The following CWH43 variants were observed in gnomAD, a reference collection of about 807,000 sequenced individuals.
The protein encoded by CWH43 is cell wall biogenesis 43 C-terminal homolog, also known as PGAP2-interacting protein.
In CWH43, 91 loss-of-function variants were observed where a neutral mutation model predicts 85.7. That is an observed-to-expected ratio of 1.06 (90% CI 0.90 to 1.26). CWH43 has a LOEUF of 1.26. Among genes scored for constraint, CWH43 ranks in the 50% most tolerant of loss-of-function variants. CWH43 has a pLI of 0.00. For synonymous variants in CWH43, 323 were observed against 293.6 expected (o/e 1.10, Z -1.02); for missense variants, 869 against 839.2 (o/e 1.04, Z -0.44).
intron 4 of CWH43, among the ~76,000 whole-genome samples, chr4:48,993,470 T>C (rs1782718246): frequency 2.0e-5 from 3 of 152,156 alleles, no homozygotes; most frequent in Admixed American, 1.3e-4. Flanking sequence ...GAAATTAGAC[T>C]GCCAGCCATA....
intron 15 of CWH43, among the ~76,000 whole-genome samples, chr4:49,051,823 T>G (rs1784807958): frequency 6.6e-6 from 1 of 152,182 alleles, no homozygotes; most frequent in Admixed American, 6.5e-5. Context: ...GTGACCCACC[T>G]GCCTCTGCCT....
intron 9 of CWH43, among the ~76,000 whole-genome samples, chr4:49,026,574 G>A (rs1577685283): frequency 8.0e-6 from 1 of 124,940 alleles, no homozygotes; most frequent in African/African-American, 3.0e-5. Context: ...AAAGTTCATT[G>A]TATAACTCAT....
intron 15 of CWH43, among the ~76,000 whole-genome samples, chr4:49,061,040 G>A (rs1489148225): frequency 6.6e-6 from 1 of 151,978 alleles, no homozygotes; most frequent in Non-Finnish European, 1.5e-5. Flanking sequence ...TCATTGTATG[G>A]ATGCACCAAC....
intron 8 of CWH43, chr4:49,016,924 T>C (rs1366700106): frequency 1.3e-6 from 1 of 784,862 alleles, no homozygotes; most frequent in Non-Finnish European, 2.4e-6. Flanking sequence ...CCAGGGCTGA[T>C]CTCCCCAGTA....
rs566328091 is a variant in CWH43 at position 49,051,375 on chromosome 4, C to A, written c.2021+526C>A. Among the ~76,000 whole-genome samples, 13 of 152,288 alleles carry A rather than the reference C, an allele frequency of 8.5e-5. No individual in the cohort carries two copies. In the East Asian group the frequency reaches 1.9e-3, roughly 23 times the overall value. On this transcript the variant is annotated intron_variant, in intron 15 of 15. Transcript: ENST00000226432. ...GCTGGTATTCTCAGCTCTGGCTGCA[C>A]ATTAGATTCACCTGGACAGCTTTTA...
chr4:48,988,420 C>T lies in CWH43; in HGVS notation c.44-57C>T, dbSNP rs970811557. On this transcript the variant is annotated intron_variant, in intron 1 of 15. Coordinates refer to ENST00000226432, the MANE Select transcript of CWH43 (RefSeq NM_025087.3). ...GGCTGGAGTGGAGGGACAGGACTGT[C>T]GTTAGAAACAATGTTGAAGTTACAC... 1.4e-5 allele frequency: 19 copies of T among 1,374,748 alleles called. No homozygotes were observed. In the East Asian group the frequency reaches 3.7e-4, roughly 27 times the overall value. 85.2% of individuals were successfully genotyped at this position (1,374,748 alleles called of 1,614,324 possible). A position where few individuals can be genotyped will look rare whatever the true frequency, so the allele number is the denominator to read the frequency against.
intron 9 of CWH43, among the ~76,000 whole-genome samples, chr4:49,020,384 T>TACACACACACAC (rs35489918): frequency 9.2e-5 from 11 of 120,168 alleles, no homozygotes; most frequent in East Asian, 2.2e-4. Flanking sequence ...AGTATTCCAT[T>TACACACACACAC]ACACACACAC....
At chr4:49,030,238 A>G (rs1298492531) in intron 10 of CWH43, among the ~76,000 whole-genome samples, 1 of 152,218 alleles carries the variant, frequency 6.6e-6, no homozygotes, top group Non-Finnish European at 1.5e-5. Flanking sequence ...TTGTAGACCA[A>G]CTACGGGTGT....
At chr4:49,000,278 T>G (rs1187364935) in intron 6 of CWH43, among the ~76,000 whole-genome samples, 2 of 152,192 alleles carry the variant, frequency 1.3e-5, no homozygotes, top group African/African-American at 4.8e-5. Context: ...CATGGAAATG[T>G]ATGTGTAATC....
In CWH43 at chr4:49,032,583, G is replaced by A; in HGVS notation, c.1526G>A (p.Arg509Lys). The A allele has an allele frequency of 6.2e-7, 1 of 1,613,982 alleles. No homozygotes were observed. Among genetic ancestry groups the A allele is most frequent in the Non-Finnish European group, 8.5e-7 (1 of 1,179,932 alleles). ...YHTWGIMALS[R>K]YPIVKSEHHL... ...CAATACAGGATTATGGCTTTGTCAAGATACCCAATTGTGAAATCTGAGCAT... is the reference window on the plus strand; with the variant it reads ...CAATACAGGATTATGGCTTTGTCAAAATACCCAATTGTGAAATCTGAGCAT... The change falls in exon 12 of 16, where the codon AGA becomes AAA. Residue 509 changes from arginine (R) to lysine (K), a missense_variant. Physicochemically the swap from Arg to Lys is conservative, Grantham distance 26. Around this residue, in one of 3 missense-constraint regions of CWH43, gnomAD observed 577 missense variants for 513.1 expected, o/e 1.12. Coordinates refer to ENST00000226432, the MANE Select transcript of CWH43 (RefSeq NM_025087.3).
At chr4:49,021,230 A>G (rs1783742634) in intron 9 of CWH43, among the ~76,000 whole-genome samples, 1 of 152,168 alleles carries the variant, frequency 6.6e-6, no homozygotes, top group African/African-American at 2.4e-5. Flanking sequence ...TGATTTTTGT[A>G]TAAGGTGAGA....
intron 5 of CWH43, among the ~76,000 whole-genome samples, chr4:48,996,298 TACACACACACACAC>T (rs36210509): frequency 1.2e-4 from 18 of 150,000 alleles, no homozygotes; most frequent in Middle Eastern, 3.4e-3. Flanking sequence ...TATATATGTG[TACACACACACACAC>T]ACACACACAC....
At chr4:49,049,951 T>C (rs1784743852) in intron 14 of CWH43, among the ~76,000 whole-genome samples, 1 of 152,186 alleles carries the variant, frequency 6.6e-6, no homozygotes, top group Non-Finnish European at 1.5e-5. Flanking sequence ...AGAATGAAAG[T>C]TCCATGAGGG....
In CWH43 at chr4:48,998,540, G is replaced by T. The variant is rs757280793; in HGVS notation, c.794G>T (p.Trp265Leu). 4.6e-5 allele frequency: 74 copies of T among 1,613,106 alleles called. No individual in the cohort carries two copies. The highest frequency in any genetic ancestry group is 4.0e-4 in the Admixed American group (24 of 60,012). ...TTTCGTGGTACTGGTTTGATCTGGT[G>T]GGTTACAGGTATGTGGAATTTACCT... is the stretch of plus-strand genomic sequence containing the variant. ...LWFRGTGLIW[W>L]VTGTASAAGL... The change falls in exon 6 of 16, where the codon TGG becomes TTG. Residue 265 changes from tryptophan (W) to leucine (L), a missense_variant. This residue lies in a region of CWH43 where 152 missense variants were observed against 203.6 expected (regional missense o/e 0.75). Transcript: ENST00000226432.
chr4:49,055,813 T>C (rs1577716901), intron 15 of CWH43, among the ~76,000 whole-genome samples: 1 of 152,048 alleles, frequency 6.6e-6, no homozygotes, highest in East Asian at 1.9e-4. Context: ...TGGTCTTTGG[T>C]CTTGAACTCC....
At chr4:49,048,404 A>G (rs905237262) in intron 14 of CWH43, among the ~76,000 whole-genome samples, 1 of 151,200 alleles carries the variant, frequency 6.6e-6, no homozygotes, top group Non-Finnish European at 1.5e-5. Flanking sequence ...AAGTATATAT[A>G]TAAAATATGA....
intron 15 of CWH43, 33 bp downstream of exon 15, chr4:49,050,882 A>G: frequency 2.0e-6 from 3 of 1,533,334 alleles, no homozygotes; most frequent in Non-Finnish European, 1.8e-6. Flanking sequence ...TCCAGTTATG[A>G]GCTACTGCAT....
chr4:49,056,788 C>T (rs1484732363), intron 15 of CWH43, among the ~76,000 whole-genome samples: 1 of 151,914 alleles, frequency 6.6e-6, no homozygotes, highest in Non-Finnish European at 1.5e-5. Flanking sequence ...GTGTTTATTG[C>T]TACAAAATTC....
At chr4:49,006,597 C>A (rs1783164573) in intron 7 of CWH43, among the ~76,000 whole-genome samples, 1 of 152,264 alleles carries the variant, frequency 6.6e-6, no homozygotes, top group South Asian at 2.1e-4. Context: ...ATCTCTGTTT[C>A]CATTCTTAGT....
Sources: gnomAD v4.1 joint callset for allele counts (sites outside exome capture counted in the v4.1 genomes callset) on GRCh38, gnomAD v4.1.1 for gene constraint, gnomAD v4.1.1 regional missense constraint, MANE v1.5 for transcripts, NCBI Gene and HGNC (gene_info 2026-07-23, HGNC 2026-07-21) for gene names.